Variants in CDH6 observed in about 807,000 individuals in gnomAD.
The protein encoded by CDH6 is cadherin-6.
CDH6 carries 31 observed loss-of-function variants against 78.0 expected under a neutral mutation model. The ratio of observed to expected loss-of-function variants is 0.40; its 90% CI spans 0.30 to 0.54. The LOEUF is 0.54. CDH6 is among the 20% of genes least tolerant of loss of function. The pLI is 0.56. For synonymous variants in CDH6, 376 were observed against 368.8 expected (o/e 1.02, Z -0.23); for missense variants, 724 against 975.9 (o/e 0.74, Z 3.44).
At chr5:31,310,855 G>C (rs1033441740) in intron 7 of CDH6, among the ~76,000 whole-genome samples, 4 of 152,196 alleles carry the variant, frequency 2.6e-5, no homozygotes, top group African/African-American at 9.6e-5. Flanking sequence ...TCCCAAGGCT[G>C]CACAGAGCAG....
intron 1 of CDH6, among the ~76,000 whole-genome samples, chr5:31,228,526 A>G (rs533409333): frequency 6.6e-6 from 1 of 152,268 alleles, no homozygotes; most frequent in African/African-American, 2.4e-5. Context: ...CCAGTTGTAC[A>G]ATCCTAGGCA....
intron 11 of CDH6, chr5:31,318,382 A>T (rs1290784004): frequency 1.4e-5 from 4 of 278,952 alleles, no homozygotes; most frequent in South Asian, 1.1e-4. Context: ...CTAGAAAAAT[A>T]AAAACTATGA....
In CDH6 at chr5:31,250,673, A is replaced by T. The variant is rs560281223; in HGVS notation, c.-128-16673A>T. 3 of 152,362 alleles carry T rather than the reference A, an allele frequency of 2.0e-5. No homozygotes were observed. In the East Asian group the frequency reaches 5.8e-4, roughly 30 times the overall value. The allele number at this position is 152,362 out of a possible 1,614,324, so 9.4% of individuals were successfully genotyped here. On this transcript the variant is annotated intron_variant, in intron 1 of 11. Coordinates refer to ENST00000265071, the MANE Select transcript of CDH6 (RefSeq NM_004932.4). ...GGAACTGGTCAGCAAGACACATCTC[A>T]CCTTATGCAGTGGTGGCACAAGGGG... is the stretch of plus-strand genomic sequence containing the variant.
intron 1 of CDH6, among the ~76,000 whole-genome samples, chr5:31,222,918 CA>C (rs1741041466): frequency 6.6e-6 from 1 of 152,100 alleles, no homozygotes; most frequent in African/African-American, 2.4e-5. Flanking sequence ...TATTTTCTTG[CA>C]AAGTTCTCAC....
intron 7 of CDH6, among the ~76,000 whole-genome samples, chr5:31,308,114 T>A (rs776954163): frequency 6.6e-5 from 10 of 152,140 alleles, no homozygotes; most frequent in Non-Finnish European, 5.9e-5. Context: ...ATTCAAGACA[T>A]AAATGTTGAA....
chr5:31,296,118 T>C (rs1336195728), intron 3 of CDH6, among the ~76,000 whole-genome samples: 3 of 152,192 alleles, frequency 2.0e-5, no homozygotes, highest in African/African-American at 7.2e-5. Flanking sequence ...TAAGTGAAAT[T>C]GGCTATATAA....
intron 1 of CDH6, chr5:31,249,442 A>C (rs900633709): frequency 6.6e-6 from 1 of 152,236 alleles, no homozygotes; most frequent in Non-Finnish European, 1.5e-5. Context: ...AAACACGTTC[A>C]TGGAGAAGCT....
chr5:31,244,703 A>G (rs983471551), intron 1 of CDH6, among the ~76,000 whole-genome samples: 12 of 152,172 alleles, frequency 7.9e-5, no homozygotes, highest in African/African-American at 2.9e-4. Context: ...CTTGGGCTGT[A>G]AACAATAGGG....
chr5:31,280,157 A>G (rs1254529003), intron 2 of CDH6, among the ~76,000 whole-genome samples: 1 of 152,210 alleles, frequency 6.6e-6, no homozygotes, highest in East Asian at 1.9e-4. Flanking sequence ...GTAGGGTGGG[A>G]GAGAGAGAAA....
At chr5:31,274,689 G>A (rs1294464543) in intron 2 of CDH6, among the ~76,000 whole-genome samples, 1 of 152,166 alleles carries the variant, frequency 6.6e-6, no homozygotes, top group Non-Finnish European at 1.5e-5. Context: ...GCGTGGTAGC[G>A]CATGCCTGGA....
At position 31,324,621 on chromosome 5, in the gene CDH6, C is replaced by G. The variant is rs1327859133; in HGVS notation, c.*1313C>G. Reference sequence around the variant, plus strand: ...TTTTCATTGTTTTTAACTTTGCTTTCATGACCATCCTGCCATCCTTGACTT... The same window carrying G: ...TTTTCATTGTTTTTAACTTTGCTTTGATGACCATCCTGCCATCCTTGACTT... On this transcript the variant is annotated 3_prime_UTR_variant, in exon 12 of 12. Transcript: ENST00000265071. The G allele has an allele frequency of 4.7e-6, 1 of 211,134 alleles. No homozygotes were observed. The highest frequency in any genetic ancestry group is 9.6e-6 in the Non-Finnish European group (1 of 104,286). 13.1% of individuals were successfully genotyped at this position (211,134 alleles called of 1,614,324 possible).
intron 1 of CDH6, among the ~76,000 whole-genome samples, chr5:31,219,423 T>C (rs1740950267): frequency 6.6e-6 from 1 of 152,092 alleles, no homozygotes; most frequent in Non-Finnish European, 1.5e-5. Flanking sequence ...ATCAAACATA[T>C]CCAATTTTCC....
intron 1 of CDH6, among the ~76,000 whole-genome samples, chr5:31,220,603 G>GA (rs955746162): frequency 9.9e-5 from 15 of 151,526 alleles, no homozygotes; most frequent in African/African-American, 2.4e-4. Context: ...ATGGAGGAAG[G>GA]AAAAAAAAGG....
At chr5:31,304,404 T>C (rs1321114438) in intron 6 of CDH6, among the ~76,000 whole-genome samples, 2 of 152,092 alleles carry the variant, frequency 1.3e-5, no homozygotes, top group Admixed American at 1.3e-4. Flanking sequence ...AAGCCAGATA[T>C]GGCCAGGCAC....
intron 9 of CDH6, 83 bp downstream of exon 9, chr5:31,316,412 A>C: frequency 8.0e-7 from 1 of 1,242,752 alleles, no homozygotes. Flanking sequence ...CACAGAGCTG[A>C]AGGAGAGTTG....
chr5:31,281,366 T>A (rs958009103), intron 2 of CDH6, among the ~76,000 whole-genome samples: 2 of 151,972 alleles, frequency 1.3e-5, no homozygotes, highest in Non-Finnish European at 2.9e-5. Flanking sequence ...TGTTTGTGTG[T>A]GTGTGTCCTT....
intron 1 of CDH6, among the ~76,000 whole-genome samples, chr5:31,265,834 G>T (rs1289276536): frequency 6.9e-6 from 1 of 144,230 alleles, no homozygotes; most frequent in African/African-American, 2.6e-5. Context: ...GAGTGCAGTG[G>T]TGCAATCTTG....
At chr5:31,242,053 T>C (rs1741617494) in intron 1 of CDH6, among the ~76,000 whole-genome samples, 1 of 152,212 alleles carries the variant, frequency 6.6e-6, no homozygotes, top group Non-Finnish European at 1.5e-5. Context: ...TGGCATAGTT[T>C]TTCCCTTTTG....
At chr5:31,200,227 G>A (rs1396409857) in intron 1 of CDH6, among the ~76,000 whole-genome samples, 2 of 152,082 alleles carry the variant, frequency 1.3e-5, no homozygotes, top group Non-Finnish European at 2.9e-5. Context: ...CTTTTTATAT[G>A]AGAATAAATT....
Sources: allele counts gnomAD v4.1 joint callset (sites outside exome capture counted in the v4.1 genomes callset), GRCh38; gene constraint gnomAD v4.1.1; transcripts MANE v1.5; gene names NCBI Gene and HGNC (gene_info 2026-07-23, HGNC 2026-07-21).